KIF26B: variants seen among roughly 807,000 people sequenced by gnomAD.
KIF26B encodes the protein kinesin family member 26B.
In KIF26B, 63 loss-of-function variants were observed where a neutral mutation model predicts 151.2. That is an observed-to-expected ratio of 0.42 (90% CI 0.34 to 0.51). The LOEUF (loss-of-function observed/expected upper bound fraction) is 0.51, where lower values mean the gene tolerates loss of function less well. Ranked by LOEUF, KIF26B falls within the 20% of genes least tolerant of loss-of-function variation. The probability of loss-of-function intolerance (pLI) is 0.07; values close to 1 mark genes in which losing one functional copy is unlikely to be tolerated. For synonymous variants in KIF26B, 1,357 were observed against 1,262.1 expected, an observed-to-expected ratio of 1.08 and a Z score of -1.59; for missense variants, 2,813 against 2,913.6, an observed-to-expected ratio of 0.97 and a Z score of 0.79.
At chr1:245,692,214 G>T (rs2044633948) in intron 12 of KIF26B, among the ~76,000 whole-genome samples, 1 of 152,164 alleles carries the variant, frequency 6.6e-6, no homozygotes, top group African/African-American at 2.4e-5. Context: ...ATAGTTTCTG[G>T]TGTGTGGGTG....
chr1:245,354,023 G>A (rs1284784040), intron 2 of KIF26B: 1 of 140,512 alleles, frequency 7.1e-6, no homozygotes, highest in Non-Finnish European at 1.5e-5. Flanking sequence ...ATGTTTATGA[G>A]TGAAAACAAA....
At chr1:245,692,319 TGAACTGA>T (rs2044636146) in intron 12 of KIF26B, among the ~76,000 whole-genome samples, 1 of 152,078 alleles carries the variant, frequency 6.6e-6, no homozygotes, top group Non-Finnish European at 1.5e-5. Context: ...TAGAGAACAG[TGAACTGA>T]GTGCATTCCC....
rs148767006 is a variant in KIF26B, at chr1:245,421,573, G to C, written c.1166+1828G>C. ...GAGGGAACATTCAATGCTCAGATGG[G>C]AATTGACTTCCGACGTGCCTTTCTA... is the stretch of plus-strand genomic sequence containing the variant. On this transcript the variant is annotated intron_variant, in intron 4 of 14. Coordinates refer to ENST00000407071, the MANE Select transcript of KIF26B (RefSeq NM_018012.4). Among the ~76,000 whole-genome samples, 28 of 152,208 alleles carry C rather than the reference G, an allele frequency of 1.8e-4. No individual in the cohort carries two copies. The East Asian group carries it at 5.2e-3, about 28-fold the overall frequency.
chr1:245,487,117 T>C (rs571792603), intron 4 of KIF26B, among the ~76,000 whole-genome samples: 30 of 151,742 alleles, frequency 2.0e-4, no homozygotes, highest in African/African-American at 5.8e-4. Context: ...GTGGTTAGAG[T>C]CCCTTGAAGT....
At chr1:245,634,998 T>G (rs964921336) in intron 9 of KIF26B, among the ~76,000 whole-genome samples, 5 of 152,056 alleles carry the variant, frequency 3.3e-5, no homozygotes, top group African/African-American at 1.2e-4. Flanking sequence ...TAAGCCACCA[T>G]GCCTAGCCCT....
chr1:245,344,436 A>T lies in KIF26B; in HGVS notation c.466-22398A>T, dbSNP rs554600780. On this transcript the variant is annotated intron_variant, in intron 2 of 14. Transcript: ENST00000407071. ...CGTGAACCCGGAGGGCGGAGCCTGC[A>T]GTGAGCCGAGATCGCGCCACTGCAC... 2.0e-4 allele frequency among the ~76,000 whole-genome samples: 28 copies of T among 141,868 alleles called. No individual in the cohort carries two copies. In the East Asian group the frequency reaches 2.1e-3, roughly 11 times the overall value. 93.1% of individuals were successfully genotyped at this position (141,868 alleles called of 152,430 possible).
intron 4 of KIF26B, among the ~76,000 whole-genome samples, chr1:245,454,186 G>A (rs1659460834): frequency 3.3e-5 from 5 of 152,188 alleles, no homozygotes; most frequent in South Asian, 4.1e-4. Flanking sequence ...CTGTTTTACT[G>A]CACTATACAG....
chr1:245,268,214 A>G (rs1670783765), intron 2 of KIF26B, among the ~76,000 whole-genome samples: 4 of 152,050 alleles, frequency 2.6e-5, no homozygotes, highest in Admixed American at 6.6e-5. Context: ...TCATGCCTGT[A>G]ATCCCAGCAC....
intron 4 of KIF26B, among the ~76,000 whole-genome samples, chr1:245,494,498 C>T (rs1660472737): frequency 6.6e-6 from 1 of 152,108 alleles, no homozygotes; most frequent in African/African-American, 2.4e-5. Flanking sequence ...CATTCAGCTG[C>T]CTACCAGAGG....
chr1:245,331,364 T>G (rs1672112003), intron 2 of KIF26B, among the ~76,000 whole-genome samples: 1 of 152,154 alleles, frequency 6.6e-6, no homozygotes, highest in South Asian at 2.1e-4. Flanking sequence ...TTTCTTCATA[T>G]TTAAACCAGA....
intron 7 of KIF26B, 97 bp from the exon 8 acceptor site, chr1:245,609,169 G>T: frequency 6.1e-6 from 7 of 1,144,868 alleles, no homozygotes; most frequent in South Asian, 4.3e-5. Context: ...CCCCTTCCCT[G>T]TGCCTTTCTT....
At chr1:245,593,265 G>T (rs548743517) in intron 5 of KIF26B, among the ~76,000 whole-genome samples, 2 of 152,062 alleles carry the variant, frequency 1.3e-5, no homozygotes, top group South Asian at 4.1e-4. Flanking sequence ...GTGGTTTGCT[G>T]CACCCATCAA....
At chr1:245,423,145 A>G (rs1572054501) in intron 4 of KIF26B, among the ~76,000 whole-genome samples, 1 of 151,540 alleles carries the variant, frequency 6.6e-6, no homozygotes, top group African/African-American at 2.4e-5. Flanking sequence ...AGCAACAGCT[A>G]TGCTGGGGGC....
At chr1:245,635,150 G>C (rs2043821821) in intron 9 of KIF26B, among the ~76,000 whole-genome samples, 4 of 143,230 alleles carry the variant, frequency 2.8e-5, no homozygotes, top group Non-Finnish European at 6.0e-5. Flanking sequence ...TATCAGATTA[G>C]TATAGTATAG....
intron 2 of KIF26B, among the ~76,000 whole-genome samples, chr1:245,210,188 A>G (rs548052135): frequency 5.1e-4 from 78 of 152,190 alleles, no homozygotes; most frequent in African/African-American, 1.8e-3. Context: ...GCCCACCCCC[A>G]AGGCCCCGCA....
intron 4 of KIF26B, among the ~76,000 whole-genome samples, chr1:245,451,693 T>C (rs1162691454): frequency 6.9e-6 from 1 of 145,936 alleles, no homozygotes; most frequent in Non-Finnish European, 1.5e-5. Context: ...CTCTGCCTCC[T>C]GGGTTCAAAA....
At chr1:245,644,682 G>A (rs186878771) in intron 9 of KIF26B, among the ~76,000 whole-genome samples, 139 of 152,294 alleles carry the variant, frequency 9.1e-4, no homozygotes, top group African/African-American at 3.2e-3. Flanking sequence ...CCTGTGAATT[G>A]TGAAGTTTTC....
chr1:245,369,195 G>GAGAGAGAC (rs375330671), intron 3 of KIF26B, among the ~76,000 whole-genome samples: 1,461 of 129,520 alleles, frequency 0.011, 20 homozygotes, highest in East Asian at 0.041. Flanking sequence ...GAGAGAGAGA[G>GAGAGAGAC]AGACAGACAG....
rs1259294690 is a variant in KIF26B, at chr1:245,336,256, A to C, written c.466-30578A>C. ...CTGCTGCACGGATGCCATCTAGAAG[A>C]AGCACCATCCACTGTTCTCAGAAAG... On this transcript the variant is annotated intron_variant, in intron 2 of 14. Transcript: ENST00000407071. 2.0e-5 allele frequency among the ~76,000 whole-genome samples: 3 copies of C among 152,274 alleles called. No individual in the cohort carries two copies. In the South Asian group the frequency reaches 6.2e-4, roughly 32 times the overall value.
Sources: allele counts gnomAD v4.1 joint callset (sites outside exome capture counted in the v4.1 genomes callset), GRCh38; gene constraint gnomAD v4.1.1; transcripts MANE v1.5; gene names NCBI Gene and HGNC (gene_info 2026-07-23, HGNC 2026-07-21).